Variants in TBCD observed in about 807,000 individuals in gnomAD.
TBCD encodes the protein tubulin-specific chaperone D.
In TBCD, 105 loss-of-function variants were observed where a neutral mutation model predicts 169.3. That is an observed-to-expected ratio of 0.62 (90% confidence interval 0.53 to 0.73). The LOEUF (loss-of-function observed/expected upper bound fraction) is 0.73, where lower values mean the gene tolerates loss of function less well. TBCD is among the 30% of genes least tolerant of loss of function. The pLI, the probability that TBCD is intolerant of heterozygous loss-of-function variation, is 0.00. For missense variants in TBCD, 1,444 were observed against 1,600.1 expected (o/e 0.90, Z 1.66); for synonymous variants, 700 against 643.9 (o/e 1.09, Z -1.32).
chr17:82,805,182 A>G (rs1356974625), intron 9 of TBCD, among the ~76,000 whole-genome samples: 1 of 152,216 alleles, frequency 6.6e-6, no homozygotes, highest in African/African-American at 2.4e-5. Context: ...GGCTCCTCAC[A>G]CAGCTCTCTG....
chr17:82,780,238 G>A (rs1262493231), intron 6 of TBCD, among the ~76,000 whole-genome samples: 3 of 152,124 alleles, frequency 2.0e-5, no homozygotes, highest in African/African-American at 4.8e-5. Context: ...AGCCCCCCTC[G>A]TTGAGCTCCG....
chr17:82,911,286 C>T (rs1032711486), intron 22 of TBCD, among the ~76,000 whole-genome samples: 5 of 152,232 alleles, frequency 3.3e-5, no homozygotes, highest in Admixed American at 6.5e-5. Flanking sequence ...CCCAGGGCAG[C>T]GCGCCTGCCC....
At chr17:82,801,065 G>A (rs866492543) in intron 9 of TBCD, 69 bp downstream of exon 9, 12 of 1,373,996 alleles carry the variant, frequency 8.7e-6, no homozygotes, top group African/African-American at 1.5e-5. Flanking sequence ...GGGGGCAGGC[G>A]CCATTGATGA....
At chr17:82,936,365 T>C (rs1240111278) in intron 34 of TBCD, among the ~76,000 whole-genome samples, 1 of 151,848 alleles carries the variant, frequency 6.6e-6, no homozygotes, top group African/African-American at 2.4e-5. Context: ...CGCTTTCCGC[T>C]TCGCCGTTCC....
intron 12 of TBCD, among the ~76,000 whole-genome samples, chr17:82,813,823 A>T (rs1449271568): frequency 1.3e-5 from 2 of 151,978 alleles, no homozygotes; most frequent in Non-Finnish European, 2.9e-5. Flanking sequence ...TGTCGGTGAC[A>T]GTGAGCTCTG....
intron 4 of TBCD, 38 bp from the exon 5 acceptor site, chr17:82,768,382 C>G (rs1445293925): frequency 6.2e-7 from 1 of 1,611,358 alleles, no homozygotes; most frequent in Admixed American, 1.7e-5. Flanking sequence ...CTGTGATTTT[C>G]AAGCAAGACT....
intron 6 of TBCD, 50 bp from the exon 7 acceptor site, chr17:82,781,538 TG>T: frequency 6.2e-7 from 1 of 1,604,118 alleles, no homozygotes. Flanking sequence ...TGGTGAGGCG[TG>T]GGCGAGGTCT....
intron 7 of TBCD, among the ~76,000 whole-genome samples, chr17:82,797,446 A>G (rs2050180473): frequency 6.6e-6 from 1 of 152,200 alleles, no homozygotes; most frequent in African/African-American, 2.4e-5. Context: ...CCAGGCTAGT[A>G]GTGCCCTGAA....
At chr17:82,759,190 CT>C (rs978657175) in intron 2 of TBCD, among the ~76,000 whole-genome samples, 9 of 149,084 alleles carry the variant, frequency 6.0e-5, no homozygotes, top group Non-Finnish European at 7.5e-5. Flanking sequence ...AATTAAAAAA[CT>C]TTTTTTTTTG....
chr17:82,782,795 C>T lies in TBCD; in HGVS notation c.771+1074C>T, dbSNP rs1329569142. On this transcript the variant is annotated intron_variant, in intron 7 of 38. Transcript: ENST00000355528. The surrounding 1 kb of genome is among the most constrained non-coding windows in gnomAD (Gnocchi z 5.1). ...CGCGGCGTTGTCTTCCTGTCTGTGG[C>T]GTCGTCCTGTCTGCGGTGGCGTCGT... Among the ~76,000 whole-genome samples the T allele has an allele frequency of 2.0e-5, 3 of 147,662 alleles. No homozygotes were observed. The highest frequency in any genetic ancestry group is 2.2e-4 in the South Asian group (1 of 4,584).
At chr17:82,754,425 C>A (rs2047295719) in intron 1 of TBCD, among the ~76,000 whole-genome samples, 1 of 152,188 alleles carries the variant, frequency 6.6e-6, no homozygotes, top group Admixed American at 6.6e-5. Flanking sequence ...TCTTTAAAGG[C>A]CAGTCTCAGG....
intron 1 of TBCD, among the ~76,000 whole-genome samples, chr17:82,754,578 C>T (rs1489069385): frequency 6.6e-6 from 1 of 152,236 alleles, no homozygotes; most frequent in African/African-American, 2.4e-5. Flanking sequence ...CTCTCATTAA[C>T]TTTACAAAGG....
chr17:82,910,428 C>A (rs2060548679), intron 22 of TBCD, among the ~76,000 whole-genome samples: 1 of 152,192 alleles, frequency 6.6e-6, no homozygotes, highest in Non-Finnish European at 1.5e-5. Context: ...AAAGTTCAGA[C>A]TTTTTGCTCA....
chr17:82,893,491 A>G lies in TBCD; in HGVS notation c.1564-56A>G, dbSNP rs375397805. On this transcript the variant is annotated intron_variant, in intron 16 of 38. Coordinates refer to ENST00000355528, the MANE Select transcript of TBCD (RefSeq NM_005993.5). ...GTGGATGTGATTATTGAACTTGGTG[A>G]AATGCCTTTGTTCATTCAAATTCTT... is the stretch of plus-strand genomic sequence containing the variant. The G allele has an allele frequency of 1.8e-5, 25 of 1,365,316 alleles. 1 individual carries two copies. In the African/African-American group the frequency reaches 2.3e-4, roughly 13 times the overall value. The allele number at this position is 1,365,316 out of a possible 1,614,324, so 84.6% of individuals were successfully genotyped here.
intron 13 of TBCD, chr17:82,860,478 C>T (rs2056668251): frequency 1.0e-6 from 1 of 976,608 alleles, no homozygotes; most frequent in Non-Finnish European, 1.2e-6. Context: ...GACAGTGGCT[C>T]AGGAGATCCT....
intron 13 of TBCD, among the ~76,000 whole-genome samples, chr17:82,852,435 G>T (rs114827728): frequency 6.6e-6 from 1 of 152,180 alleles, no homozygotes; most frequent in Non-Finnish European, 1.5e-5. Context: ...CACAGTTCTG[G>T]AGGCTGGGTG....
At chr17:82,758,549 T>A (rs1343256653) in intron 2 of TBCD, among the ~76,000 whole-genome samples, 3 of 148,038 alleles carry the variant, frequency 2.0e-5, no homozygotes, top group Non-Finnish European at 4.5e-5. Context: ...CGTGCCCAGC[T>A]GAGTTCATTA....
In TBCD at chr17:82,752,095, C is replaced by T; in HGVS notation, c.-99C>T. ...CGTCGGTTGCCGCCTTAGCGGGCGC[C>T]TCCTTTTCATCCCTCATCCTTCATC... On this transcript the variant is annotated 5_prime_UTR_variant, in exon 1 of 39. Transcript: ENST00000355528. 3 of 1,306,676 alleles carry T rather than the reference C, an allele frequency of 2.3e-6. No individual in the cohort carries two copies. The highest frequency in any genetic ancestry group is 1.8e-5 in the South Asian group (1 of 57,136). The allele number at this position is 1,306,676 out of a possible 1,614,324, so 80.9% of individuals were successfully genotyped here.
intron 17 of TBCD, among the ~76,000 whole-genome samples, chr17:82,894,110 G>A (rs934833563): frequency 2.0e-5 from 3 of 152,266 alleles, no homozygotes; most frequent in Non-Finnish European, 4.4e-5. Context: ...AATAGGAAGT[G>A]TTTTGAAGTT....
Sources: allele counts gnomAD v4.1 joint callset (sites outside exome capture counted in the v4.1 genomes callset), GRCh38; gene constraint gnomAD v4.1.1; non-coding constraint Gnocchi (gnomAD v3.1); transcripts MANE v1.5; gene names NCBI Gene and HGNC (gene_info 2026-07-23, HGNC 2026-07-21).